Variants in WWC2 observed in about 807,000 individuals in gnomAD.
WWC2 encodes the protein protein WWC2.
In WWC2, 101 loss-of-function variants were observed where a neutral mutation model predicts 138.5. That is an observed-to-expected ratio of 0.73 (90% CI 0.62 to 0.86). WWC2 has a LOEUF of 0.86. WWC2 is among the 40% of genes least tolerant of loss of function. The probability of loss-of-function intolerance (pLI) is 0.00; values close to 1 mark genes in which losing one functional copy is unlikely to be tolerated. For synonymous variants in WWC2, 558 were observed against 538.4 expected (o/e 1.04, Z -0.50); for missense variants, 1,420 against 1,419.4 (o/e 1.00, Z -0.01).
chr4:183,110,714 A>G (rs950931027), intron 1 of WWC2, among the ~76,000 whole-genome samples: 1 of 152,198 alleles, frequency 6.6e-6, no homozygotes, highest in Admixed American at 6.5e-5. Context: ...ACATTGTGTT[A>G]TGACAATAAT....
rs150099730 is a variant in WWC2, at chr4:183,217,243, G to T, written c.522+8218G>T. ...GTCAGAATTTTTCATGTGTATTGGG[G>T]ATGAGAGTAGTGTGGAGGGGCAAAA... is the stretch of plus-strand genomic sequence containing the variant. On this transcript the variant is annotated intron_variant, in intron 4 of 22. Coordinates refer to ENST00000403733, the MANE Select transcript of WWC2 (RefSeq NM_024949.6). Among the ~76,000 whole-genome samples, 761 of 152,262 alleles carry T rather than the reference G, an allele frequency of 5.0e-3. 12 individuals carry two copies. The highest frequency in any genetic ancestry group is 0.017 in the African/African-American group (710 of 41,542).
At chr4:183,247,775 C>CTA (rs540060727) in intron 6 of WWC2, among the ~76,000 whole-genome samples, 1,845 of 131,600 alleles carry the variant, frequency 0.014, 25 homozygotes, top group Middle Eastern at 0.035. Flanking sequence ...AATATATATA[C>CTA]TATATATATA....
At chr4:183,281,216 T>A (rs1167924482) in intron 17 of WWC2, 1 of 386,840 alleles carries the variant, frequency 2.6e-6, no homozygotes, top group Non-Finnish European at 4.6e-6. Context: ...GAGTTATAGA[T>A]AATTTTAAAA....
At chr4:183,160,474 T>G (rs965126818) in intron 1 of WWC2, among the ~76,000 whole-genome samples, 1 of 152,186 alleles carries the variant, frequency 6.6e-6, no homozygotes, top group African/African-American at 2.4e-5. Context: ...TGAACCATAT[T>G]GAATCAGTCC....
intron 8 of WWC2, among the ~76,000 whole-genome samples, chr4:183,252,453 C>T (rs777852698): frequency 3.9e-5 from 6 of 152,192 alleles, no homozygotes; most frequent in Non-Finnish European, 7.3e-5. Flanking sequence ...TTAGGACATT[C>T]GTACTGAGTC....
At chr4:183,116,870 A>G (rs1732428924) in intron 1 of WWC2, among the ~76,000 whole-genome samples, 1 of 152,236 alleles carries the variant, frequency 6.6e-6, no homozygotes, top group African/African-American at 2.4e-5. Context: ...CTTGCAAGAT[A>G]CCCAGTACAA....
chr4:183,319,507 C>T lies in WWC2; in HGVS notation c.*3778C>T, dbSNP rs371516258. On this transcript the variant is annotated 3_prime_UTR_variant, in exon 23 of 23. Coordinates refer to ENST00000403733, the MANE Select transcript of WWC2 (RefSeq NM_024949.6). Reference sequence around the variant, plus strand: ...CTAGAGCGGGACATCCTACCAAATCCAGTGTTGAGCAAGCGTCTCCTGAAC... The same window carrying T: ...CTAGAGCGGGACATCCTACCAAATCTAGTGTTGAGCAAGCGTCTCCTGAAC... The T allele has an allele frequency of 2.6e-6, 4 of 1,521,176 alleles. No individual in the cohort carries two copies. The highest frequency in any genetic ancestry group is 3.5e-6 in the Non-Finnish European group (4 of 1,130,742). 94.2% of individuals were successfully genotyped at this position (1,521,176 alleles called of 1,614,324 possible).
chr4:183,116,997 A>G (rs1316848641), intron 1 of WWC2, among the ~76,000 whole-genome samples: 1 of 151,994 alleles, frequency 6.6e-6, no homozygotes, highest in Admixed American at 6.6e-5. Flanking sequence ...AATCCTCTTC[A>G]TTCCTGTCCT....
Position 183,278,907 on chromosome 4 carries a change from A to G in WWC2, c.2563-1869A>G, listed in dbSNP as rs531094088. ...AGACAGTGGGGTTTTCTAGATATAC[A>G]ATCATGTCGTCTGCAAACAGGGACA... On this transcript the variant is annotated intron_variant, in intron 16 of 22. Transcript: ENST00000403733. 2.5e-4 allele frequency among the ~76,000 whole-genome samples: 38 copies of G among 151,362 alleles called. 1 individual carries two copies. In the South Asian group the frequency reaches 8.0e-3, roughly 32 times the overall value.
chr4:183,319,519 A>G lies in WWC2; in HGVS notation c.*3790A>G, dbSNP rs1461601815. On this transcript the variant is annotated 3_prime_UTR_variant, in exon 23 of 23. Transcript: ENST00000403733. ...ATCCTACCAAATCCAGTGTTGAGCA[A>G]GCGTCTCCTGAACAGCAGACGCTTG... 9 of 1,552,482 alleles carry G rather than the reference A, an allele frequency of 5.8e-6. No individual in the cohort carries two copies. The highest frequency in any genetic ancestry group is 1.7e-4 in the Middle Eastern group (1 of 5,774).
At chr4:183,133,159 T>TC (rs1294652652) in intron 1 of WWC2, among the ~76,000 whole-genome samples, 15 of 146,334 alleles carry the variant, frequency 1.0e-4, no homozygotes, top group Non-Finnish European at 2.0e-4. Flanking sequence ...TTTCTTTTTT[T>TC]TTTTTTTTTG....
At chr4:183,297,298 T>G (rs936998325) in intron 21 of WWC2, among the ~76,000 whole-genome samples, 1 of 151,934 alleles carries the variant, frequency 6.6e-6, no homozygotes. Flanking sequence ...CTTTATTATC[T>G]GATGAACCAG....
chr4:183,178,107 T>A (rs1293930725), intron 1 of WWC2, among the ~76,000 whole-genome samples: 1 of 152,214 alleles, frequency 6.6e-6, no homozygotes, highest in African/African-American at 2.4e-5. Context: ...CAACATACTT[T>A]CTTCTTGCAT....
chr4:183,113,540 A>G (rs1003025967), intron 1 of WWC2, among the ~76,000 whole-genome samples: 6 of 147,858 alleles, frequency 4.1e-5, no homozygotes, highest in African/African-American at 1.2e-4. Context: ...GCGCACATGC[A>G]CGTGCATGCA....
At chr4:183,158,027 A>C (rs4579165) in intron 1 of WWC2, among the ~76,000 whole-genome samples, 149,292 of 152,102 alleles carry the variant, frequency 0.98, 73,319 homozygotes, top group Middle Eastern at 1. Context: ...ATCTCACCTT[A>C]GTATTTTCAC....
intron 21 of WWC2, among the ~76,000 whole-genome samples, chr4:183,306,880 G>GAAAAAAAAAAA (rs1739038205): frequency 1.1e-4 from 3 of 27,552 alleles, no homozygotes; most frequent in Admixed American, 4.5e-4. Context: ...TATATATGAG[G>GAAAAAAAAAAA]CAAAAAAAAA....
intron 9 of WWC2, among the ~76,000 whole-genome samples, chr4:183,254,761 C>A (rs1321545126): frequency 1.3e-5 from 2 of 152,120 alleles, no homozygotes; most frequent in African/African-American, 4.8e-5. Context: ...TTTAGGCCAG[C>A]CAGTAAACAG....
chr4:183,214,565 G>A (rs1339477122), intron 4 of WWC2, among the ~76,000 whole-genome samples: 1 of 152,024 alleles, frequency 6.6e-6, no homozygotes, highest in Non-Finnish European at 1.5e-5. Context: ...GGTCGAGGTG[G>A]GCGGATCACC....
chr4:183,120,392 C>G (rs1269689695), intron 1 of WWC2, among the ~76,000 whole-genome samples: 1 of 152,144 alleles, frequency 6.6e-6, no homozygotes, highest in African/African-American at 2.4e-5. Flanking sequence ...TGCATGTACA[C>G]AGATTGATGC....
Sources: gnomAD v4.1 joint callset for allele counts (sites outside exome capture counted in the v4.1 genomes callset) on GRCh38, gnomAD v4.1.1 for gene constraint, MANE v1.5 for transcripts, NCBI Gene and HGNC (gene_info 2026-07-23, HGNC 2026-07-21) for gene names.